The following FAM13A variants were observed in gnomAD, a reference collection of about 807,000 sequenced individuals.
FAM13A encodes protein FAM13A.
In FAM13A, 76 loss-of-function variants were observed where a neutral mutation model predicts 129.6. The observed-to-expected ratio is 0.59, with a 90% CI of 0.49 to 0.71. The LOEUF (loss-of-function observed/expected upper bound fraction) is 0.71, where lower values mean the gene tolerates loss of function less well. Ranked by LOEUF, FAM13A falls within the 30% of genes least tolerant of loss-of-function variation. The pLI is 0.00. For missense variants in FAM13A, 1,108 were observed against 1,249.3 expected, an observed-to-expected ratio of 0.89 and a Z score of 1.70; for synonymous variants, 443 against 449.9, an observed-to-expected ratio of 0.98 and a Z score of 0.20.
intron 5 of FAM13A, among the ~76,000 whole-genome samples, chr4:88,919,582 T>C (rs927231833): frequency 6.6e-6 from 1 of 152,200 alleles, no homozygotes; most frequent in Non-Finnish European, 1.5e-5. Context: ...GATGGCCGAA[T>C]AGGAACAGCT....
At chr4:88,736,101 C>T (rs1738927015) in intron 21 of FAM13A, among the ~76,000 whole-genome samples, 1 of 152,058 alleles carries the variant, frequency 6.6e-6, no homozygotes, top group South Asian at 2.1e-4. Context: ...GGTGACATTA[C>T]CAGCCAGACA....
intron 6 of FAM13A, among the ~76,000 whole-genome samples, chr4:88,890,707 A>C (rs1042691506): frequency 6.6e-6 from 1 of 152,192 alleles, no homozygotes; most frequent in African/African-American, 2.4e-5. Context: ...AATCAACAAA[A>C]ATAAAAGCTG....
intron 4 of FAM13A, among the ~76,000 whole-genome samples, chr4:88,972,618 T>TG (rs960814041): frequency 6.6e-5 from 10 of 151,910 alleles, no homozygotes; most frequent in South Asian, 4.2e-4. Context: ...CACTTTTTTT[T>TG]GGGGGGGAGA....
intron 1 of FAM13A, among the ~76,000 whole-genome samples, chr4:89,035,682 C>T (rs1363150279): frequency 1.3e-5 from 2 of 152,250 alleles, no homozygotes; most frequent in East Asian, 1.9e-4. Context: ...TTCTCCCTTG[C>T]TGTTCTTGTG....
chr4:88,961,200 T>G (rs959256571), intron 4 of FAM13A, among the ~76,000 whole-genome samples: 3 of 152,046 alleles, frequency 2.0e-5, no homozygotes, highest in Admixed American at 1.3e-4. Context: ...ACAGAAAATA[T>G]AGTTGCAATG....
At chr4:88,758,417 C>G (rs933857541) in intron 14 of FAM13A, among the ~76,000 whole-genome samples, 1 of 151,848 alleles carries the variant, frequency 6.6e-6, no homozygotes, top group African/African-American at 2.4e-5. Context: ...CCTAAAAGCA[C>G]ACCGGTTCCC....
At chr4:89,012,147 T>C (rs981349587) in intron 3 of FAM13A, among the ~76,000 whole-genome samples, 9 of 152,230 alleles carry the variant, frequency 5.9e-5, no homozygotes, top group Non-Finnish European at 8.8e-5. Context: ...CTAAATTAAA[T>C]GAATCCTCTT....
chr4:89,045,057 G>A (rs1770670362), intron 1 of FAM13A, among the ~76,000 whole-genome samples: 1 of 151,976 alleles, frequency 6.6e-6, no homozygotes, highest in Non-Finnish European at 1.5e-5. Flanking sequence ...TATCTAAAAT[G>A]GTTAAAATAG....
chr4:89,021,684 T>C (rs1036867206), intron 2 of FAM13A, among the ~76,000 whole-genome samples: 2 of 152,176 alleles, frequency 1.3e-5, no homozygotes, highest in Non-Finnish European at 2.9e-5. Flanking sequence ...AAGATTTAGC[T>C]AGCTAAGAAG....
At chr4:88,884,343 A>C (rs1161498573) in intron 6 of FAM13A, among the ~76,000 whole-genome samples, 2 of 152,214 alleles carry the variant, frequency 1.3e-5, no homozygotes, top group Non-Finnish European at 2.9e-5. Flanking sequence ...GAGATGGCTT[A>C]ACATATGCAT....
rs149381275 is a variant in FAM13A, at chr4:88,753,841, T to C, written c.1727-3204A>G. Among the ~76,000 whole-genome samples the C allele has an allele frequency of 4.1e-3, 623 of 152,296 alleles. 6 individuals are homozygous for C. Among genetic ancestry groups the C allele is most frequent in the African/African-American group, 0.015 (605 of 41,558 alleles). On this transcript the variant is annotated intron_variant, in intron 14 of 23. Transcript: ENST00000264344. ...AATAACAAAGTACTAAATAAGGTAG[T>C]GTGGTAGATAACAGGTACAATTTCA... is the stretch of plus-strand genomic sequence containing the variant.
At chr4:88,841,916 A>G (rs990394528) in intron 7 of FAM13A, among the ~76,000 whole-genome samples, 2 of 152,148 alleles carry the variant, frequency 1.3e-5, no homozygotes, top group Non-Finnish European at 2.9e-5. Context: ...ACCCAAGAGA[A>G]CTGAAAATAT....
chr4:88,779,490 A>ATC (rs1722433994), intron 11 of FAM13A, among the ~76,000 whole-genome samples: 2 of 152,204 alleles, frequency 1.3e-5, no homozygotes. Flanking sequence ...GTTGGAAAAC[A>ATC]TCTTTGAGAA....
chr4:88,982,136 A>G (rs1463551129), intron 4 of FAM13A, among the ~76,000 whole-genome samples: 1 of 152,250 alleles, frequency 6.6e-6, no homozygotes, highest in Admixed American at 6.5e-5. Flanking sequence ...GGTGTCTGAT[A>G]CAAGTACTAA....
intron 5 of FAM13A, among the ~76,000 whole-genome samples, chr4:88,924,374 G>T (rs1751715542): frequency 6.6e-6 from 1 of 152,124 alleles, no homozygotes; most frequent in African/African-American, 2.4e-5. Context: ...CAATGGAACA[G>T]AACAGAGCCC....
At chr4:88,771,144 G>A (rs1161670986) in intron 11 of FAM13A, among the ~76,000 whole-genome samples, 7 of 114,366 alleles carry the variant, frequency 6.1e-5, no homozygotes, top group African/African-American at 1.1e-4. Context: ...GCTACAACCC[G>A]GAAAGCATTT....
At chr4:88,860,742 G>A (rs1015825385) in intron 6 of FAM13A, among the ~76,000 whole-genome samples, 2 of 152,126 alleles carry the variant, frequency 1.3e-5, no homozygotes, top group Non-Finnish European at 2.9e-5. Flanking sequence ...ATAAACAAGG[G>A]AAGCTGATGG....
chr4:88,988,005 C>G (rs1447444117), intron 4 of FAM13A, among the ~76,000 whole-genome samples: 2 of 152,006 alleles, frequency 1.3e-5, no homozygotes, highest in Admixed American at 6.6e-5. Context: ...CTTAAAAACT[C>G]AATGTGGATG....
chr4:88,952,299 A>T (rs1273311182), intron 4 of FAM13A, among the ~76,000 whole-genome samples: 1 of 152,178 alleles, frequency 6.6e-6, no homozygotes, highest in Non-Finnish European at 1.5e-5. Flanking sequence ...CCGAGAGCTC[A>T]GCCTGTAATG....
Sources: gnomAD v4.1 joint callset for allele counts (sites outside exome capture counted in the v4.1 genomes callset) on GRCh38, gnomAD v4.1.1 for gene constraint, MANE v1.5 for transcripts, NCBI Gene and HGNC (gene_info 2026-07-23, HGNC 2026-07-21) for gene names.